The following HAO1 variants were observed in gnomAD, a reference collection of about 807,000 sequenced individuals.
HAO1 encodes hydroxyacid oxidase 1, also known as 2-Hydroxyacid oxidase 1.
HAO1 carries 34 observed loss-of-function variants against 39.7 expected under a neutral mutation model. The observed-to-expected ratio is 0.86, with a 90% CI of 0.65 to 1.14. The LOEUF (loss-of-function observed/expected upper bound fraction) is 1.14. Among genes scored for constraint, HAO1 ranks in the 50% most tolerant of loss-of-function variants. HAO1 has a pLI of 0.00. For missense variants in HAO1, 479 were observed against 464.5 expected (o/e 1.03, Z -0.29); for synonymous variants, 172 against 173.2 (o/e 0.99, Z 0.05).
At chr20:7,930,325 AT>A (rs746315610) in intron 2 of HAO1, among the ~76,000 whole-genome samples, 3 of 152,160 alleles carry the variant, frequency 2.0e-5, no homozygotes, top group Non-Finnish European at 4.4e-5. Flanking sequence ...GGATTTCCAT[AT>A]TCTTTCTGGG....
chr20:7,909,579 G>A (rs6086279), intron 3 of HAO1, among the ~76,000 whole-genome samples: 85,529 of 150,278 alleles, frequency 0.57, 28,403 homozygotes, highest in East Asian at 0.99. Context: ...CTCTTGAGTG[G>A]CACTCAAATA....
Position 7,914,238 on chromosome 20 carries a change from C to T in HAO1, c.471G>A (p.Val157=). The change falls in exon 3 of 8, where the codon GTG becomes GTA. Residue 157 remains valine, a synonymous_variant. Coordinates refer to ENST00000378789, the MANE Select transcript of HAO1 (RefSeq NM_017545.3). ...TGCCCAGGTAAGGTGTGTCCACTGTCACAAATATGGCCTTGTAGCCCATCT... is the reference window on the plus strand; with the variant it reads ...TGCCCAGGTAAGGTGTGTCCACTGTTACAAATATGGCCTTGTAGCCCATCT... The part of the protein sequence containing the change: ...AEKMGYKAIF[V]TVDTPYLGNR... 1 of 1,614,070 alleles carries T rather than the reference C, an allele frequency of 6.2e-7. No homozygotes were observed. Among genetic ancestry groups the T allele is most frequent in the South Asian group, 1.1e-5 (1 of 91,074 alleles).
intron 2 of HAO1, among the ~76,000 whole-genome samples, chr20:7,926,458 G>C (rs188190673): frequency 6.6e-6 from 1 of 152,050 alleles, no homozygotes; most frequent in Non-Finnish European, 1.5e-5. Flanking sequence ...CTAGTCGGTC[G>C]CCTAGCACAA....
At chr20:7,913,872 A>G (rs977877060) in intron 3 of HAO1, among the ~76,000 whole-genome samples, 1 of 152,208 alleles carries the variant, frequency 6.6e-6, no homozygotes, top group African/African-American at 2.4e-5. Flanking sequence ...CCAGGATGAT[A>G]ATAATAAACT....
Position 7,906,195 on chromosome 20 carries a change from C to A in HAO1, c.680G>T (p.Arg227Ile), listed in dbSNP as rs1358505686. 1.2e-6 allele frequency: 2 copies of A among 1,613,450 alleles called. No individual in the cohort carries two copies. Among genetic ancestry groups the A allele is most frequent in the Non-Finnish European group, 1.7e-6 (2 of 1,179,458 alleles). The stretch of plus-strand genomic sequence containing the variant: ...TGCAACAATTGGCAATGATGTCAGT[C>A]TTCTCAGCCATTTGATATCTTCCCA... ...ISWEDIKWLRRLTSLPIVAKG... is the reference protein window; with the variant it reads ...ISWEDIKWLRILTSLPIVAKG... Residue 227 changes from arginine to isoleucine, a missense_variant, in exon 4 of 8, where the codon AGA (arginine) becomes ATA (isoleucine). Coordinates refer to ENST00000378789, the MANE Select transcript of HAO1 (RefSeq NM_017545.3).
intron 1 of HAO1, among the ~76,000 whole-genome samples, chr20:7,938,346 A>G (rs989523426): frequency 3.3e-5 from 5 of 151,820 alleles, no homozygotes; most frequent in Admixed American, 1.3e-4. Flanking sequence ...ATAATAAAAT[A>G]GCATCAGCTG....
intron 5 of HAO1, among the ~76,000 whole-genome samples, chr20:7,887,321 C>T (rs143529526): frequency 0.025 from 3,870 of 152,258 alleles, 78 homozygotes; most frequent in Non-Finnish European, 0.041. Context: ...TCAAGTCCAC[C>T]TTTTCCAGAA....
intron 2 of HAO1, among the ~76,000 whole-genome samples, chr20:7,930,152 C>G (rs1365642683): frequency 6.6e-6 from 1 of 152,016 alleles, no homozygotes; most frequent in Non-Finnish European, 1.5e-5. Flanking sequence ...ATAACTAACC[C>G]GTTTTCTGAA....
intron 3 of HAO1, among the ~76,000 whole-genome samples, chr20:7,908,654 C>T (rs1418388552): frequency 6.6e-6 from 1 of 152,106 alleles, no homozygotes; most frequent in Non-Finnish European, 1.5e-5. Flanking sequence ...TATAGTTTCA[C>T]GGACTCAGAT....
intron 5 of HAO1, among the ~76,000 whole-genome samples, chr20:7,889,953 T>C (rs528678022): frequency 2.0e-5 from 3 of 152,258 alleles, no homozygotes; most frequent in Non-Finnish European, 4.4e-5. Context: ...ACTTATGACA[T>C]AACAAAATCT....
At chr20:7,902,074 G>T (rs2050223631) in intron 4 of HAO1, among the ~76,000 whole-genome samples, 1 of 152,144 alleles carries the variant, frequency 6.6e-6, no homozygotes, top group African/African-American at 2.4e-5. Flanking sequence ...TGGTTTCTTG[G>T]GATGGAATCA....
intron 7 of HAO1, 93 bp from the exon 8 acceptor site, chr20:7,883,756 G>A: frequency 9.2e-7 from 1 of 1,092,002 alleles, no homozygotes; most frequent in Non-Finnish European, 1.4e-6. Context: ...TTTGACAAAT[G>A]TAAGGTTTAT....
chr20:7,930,898 C>CCATCTA lies in HAO1; in HGVS notation c.289+3580_289+3585dup, dbSNP rs1346944544. ...AGGGAATACATGCAGAGCACAAGCA[C>CCATCTA]CATCTACTCCAGCCATTCATCCTTT... is the stretch of plus-strand genomic sequence containing the variant. On this transcript the variant is annotated intron_variant, in intron 2 of 7. Coordinates refer to ENST00000378789, the MANE Select transcript of HAO1 (RefSeq NM_017545.3). 3.9e-5 allele frequency among the ~76,000 whole-genome samples: 6 copies of CCATCTA among 152,278 alleles called. No homozygotes were observed. The East Asian group carries it at 1.2e-3, about 29-fold the overall frequency.
At chr20:7,920,858 A>G (rs2050327939) in intron 2 of HAO1, among the ~76,000 whole-genome samples, 1 of 152,158 alleles carries the variant, frequency 6.6e-6, no homozygotes, top group African/African-American at 2.4e-5. Flanking sequence ...TCTCTTCAAC[A>G]TGCTGATTTC....
In HAO1 at chr20:7,940,190, A is replaced by G. The variant is rs577880236; in HGVS notation, c.137+96T>C. The stretch of plus-strand genomic sequence containing the variant: ...CTCTACTAAGCACAAATCTGAACAA[A>G]TAATTACACACCACCAACGTAAAAC... On this transcript the variant is annotated intron_variant, in intron 1 of 7. Coordinates refer to ENST00000378789, the MANE Select transcript of HAO1 (RefSeq NM_017545.3). 9.7e-6 allele frequency: 10 copies of G among 1,027,526 alleles called. No individual in the cohort carries two copies. In the South Asian group the frequency reaches 1.6e-4, roughly 16 times the overall value. The allele number at this position is 1,027,526 out of a possible 1,614,324, so 63.7% of individuals were successfully genotyped here.
chr20:7,890,934 G>A (rs2050171478), intron 5 of HAO1, among the ~76,000 whole-genome samples: 1 of 151,974 alleles, frequency 6.6e-6, no homozygotes, highest in Non-Finnish European at 1.5e-5. Context: ...CGGTTTCTTT[G>A]TCCACTCATT....
chr20:7,914,488 T>C (rs527927507), intron 2 of HAO1, 69 bp from the exon 3 acceptor site: 35 of 1,548,394 alleles, frequency 2.3e-5, no homozygotes, highest in Non-Finnish European at 2.9e-5. Flanking sequence ...TGAATTGTAG[T>C]TGGATGAGTA....
chr20:7,904,671 C>A (rs555621691), intron 4 of HAO1, among the ~76,000 whole-genome samples: 18 of 152,112 alleles, frequency 1.2e-4, no homozygotes, highest in Non-Finnish European at 2.2e-4. Context: ...ATATAACTGT[C>A]TCCTACAAGA....
At chr20:7,916,898 C>G (rs2050309543) in intron 2 of HAO1, among the ~76,000 whole-genome samples, 1 of 152,200 alleles carries the variant, frequency 6.6e-6, no homozygotes, top group East Asian at 1.9e-4. Context: ...AGTAAGAACA[C>G]AAATGAACAT....
Sources: allele counts gnomAD v4.1 joint callset (sites outside exome capture counted in the v4.1 genomes callset), GRCh38; gene constraint gnomAD v4.1.1; transcripts MANE v1.5; gene names NCBI Gene and HGNC (gene_info 2026-07-23, HGNC 2026-07-21).